Variants in CDIN1 observed in about 807,000 individuals in gnomAD.
The protein encoded by CDIN1 is CDAN1 interacting nuclease 1, also known as CDAN1-interacting nuclease 1.
In CDIN1, 33 loss-of-function variants were observed where a neutral mutation model predicts 45.3. The observed-to-expected ratio is 0.73, with a 90% confidence interval of 0.55 to 0.97. The LOEUF (loss-of-function observed/expected upper bound fraction) is 0.97. Ranked by LOEUF, CDIN1 falls within the 50% of genes least tolerant of loss-of-function variation. The pLI, the probability that CDIN1 is intolerant of heterozygous loss-of-function variation, is 0.00. For missense variants in CDIN1, 303 were observed against 339.4 expected (o/e 0.89, Z 0.84); for synonymous variants, 118 against 124.4 (o/e 0.95, Z 0.34).
Position 36,697,469 on chromosome 15 carries a change from A to G in CDIN1, c.544+79A>G, listed in dbSNP as rs894724954. 254 of 1,134,474 alleles carry G rather than the reference A, an allele frequency of 2.2e-4. 1 individual carries two copies. The highest frequency in any genetic ancestry group is 2.4e-4 in the Non-Finnish European group (191 of 784,002). 70.3% of individuals were successfully genotyped at this position (1,134,474 alleles called of 1,614,324 possible). A position where few individuals can be genotyped will look rare whatever the true frequency, so the allele number is the denominator to read the frequency against. On this transcript the variant is annotated intron_variant, in intron 8 of 10. Coordinates refer to ENST00000566621, the MANE Select transcript of CDIN1 (RefSeq NM_001321759.2). ...TATATATTTTAAAAATCTTCCACTAAAGGAAGAGTGAATGATGATTGATGC... is the reference window on the plus strand; with the variant it reads ...TATATATTTTAAAAATCTTCCACTAGAGGAAGAGTGAATGATGATTGATGC...
intron 10 of CDIN1, among the ~76,000 whole-genome samples, chr15:36,713,637 C>T (rs1247204655): frequency 6.6e-6 from 1 of 152,164 alleles, no homozygotes; most frequent in African/African-American, 2.4e-5. Context: ...ATGCAAAGCA[C>T]TTTCACAGTG....
chr15:36,673,316 A>G (rs2041520770), intron 5 of CDIN1, among the ~76,000 whole-genome samples: 2 of 152,104 alleles, frequency 1.3e-5, no homozygotes, highest in Non-Finnish European at 2.9e-5. Context: ...TCTGAGATTC[A>G]TCATGGAAAA....
At chr15:36,731,376 C>T (rs981929389) in intron 10 of CDIN1, among the ~76,000 whole-genome samples, 14 of 152,024 alleles carry the variant, frequency 9.2e-5, no homozygotes, top group African/African-American at 3.4e-4. Context: ...ATTTCATCTA[C>T]GATTACTTTA....
At chr15:36,680,563 T>C (rs2041815597) in intron 5 of CDIN1, among the ~76,000 whole-genome samples, 1 of 152,104 alleles carries the variant, frequency 6.6e-6, no homozygotes. Context: ...AGAAAGAACC[T>C]GTATTCAGAA....
intron 1 of CDIN1, among the ~76,000 whole-genome samples, chr15:36,612,840 A>G (rs771870111): frequency 1.3e-5 from 2 of 152,192 alleles, no homozygotes; most frequent in African/African-American, 2.4e-5. Context: ...AGGCATCATT[A>G]TTTTTAGTCT....
intron 10 of CDIN1, among the ~76,000 whole-genome samples, chr15:36,805,315 C>A (rs2055191132): frequency 6.6e-6 from 1 of 152,154 alleles, no homozygotes; most frequent in South Asian, 2.1e-4. Context: ...TCCTGAGGGT[C>A]TCCCAGCTGG....
At chr15:36,699,567 G>A (rs371657463) in intron 8 of CDIN1, among the ~76,000 whole-genome samples, 16 of 152,132 alleles carry the variant, frequency 1.1e-4, no homozygotes, top group South Asian at 4.2e-4. Flanking sequence ...GCATTCAAAA[G>A]ACAAATATTC....
At chr15:36,674,176 T>C (rs2081945875) in intron 5 of CDIN1, among the ~76,000 whole-genome samples, 1 of 152,170 alleles carries the variant, frequency 6.6e-6, no homozygotes, top group African/African-American at 2.4e-5. Flanking sequence ...AGTGTTATTA[T>C]TTACTGCAGT....
intron 10 of CDIN1, among the ~76,000 whole-genome samples, chr15:36,763,056 A>C (rs2053816554): frequency 6.6e-6 from 1 of 152,220 alleles, no homozygotes; most frequent in Non-Finnish European, 1.5e-5. Flanking sequence ...TAGATCCCTG[A>C]GGAATCACCA....
intron 1 of CDIN1, among the ~76,000 whole-genome samples, chr15:36,610,873 G>T (rs895057058): frequency 7.9e-5 from 12 of 152,102 alleles, no homozygotes; most frequent in African/African-American, 1.9e-4. Context: ...AAGTTCAAGG[G>T]GTCCAGTGGG....
intron 5 of CDIN1, among the ~76,000 whole-genome samples, chr15:36,679,622 T>C (rs2041781176): frequency 6.6e-6 from 1 of 152,238 alleles, no homozygotes; most frequent in African/African-American, 2.4e-5. Context: ...GACATATTTT[T>C]CTTCTTTTGA....
intron 10 of CDIN1, among the ~76,000 whole-genome samples, chr15:36,747,420 C>A (rs1351296942): frequency 6.6e-6 from 1 of 152,110 alleles, no homozygotes; most frequent in Non-Finnish European, 1.5e-5. Flanking sequence ...TATAAGTGAA[C>A]TTTTCTCAAA....
intron 10 of CDIN1, among the ~76,000 whole-genome samples, chr15:36,765,071 T>TTC (rs1555405924): frequency 1.3e-5 from 2 of 150,532 alleles, no homozygotes; most frequent in East Asian, 3.9e-4. Flanking sequence ...CTTTTTTTTT[T>TTC]TTTAGATGGA....
chr15:36,639,832 A>G (rs2040036771), intron 1 of CDIN1, among the ~76,000 whole-genome samples: 1 of 152,084 alleles, frequency 6.6e-6, no homozygotes, highest in South Asian at 2.1e-4. Flanking sequence ...TATATATTTG[A>G]CCTATAGTTA....
intron 1 of CDIN1, among the ~76,000 whole-genome samples, chr15:36,598,228 A>G (rs1391794195): frequency 1.3e-5 from 2 of 151,848 alleles, no homozygotes; most frequent in African/African-American, 4.8e-5. Flanking sequence ...CTGTACTCAA[A>G]CCATCCACCC....
intron 1 of CDIN1, among the ~76,000 whole-genome samples, chr15:36,614,769 CAAAAACA>C: frequency 6.6e-6 from 1 of 151,998 alleles, no homozygotes; most frequent in African/African-American, 2.4e-5. Context: ...CAAACAACAA[CAAAAACA>C]AAAAATGTGC....
chr15:36,622,408 G>C (rs2039239445), intron 1 of CDIN1, among the ~76,000 whole-genome samples: 1 of 152,162 alleles, frequency 6.6e-6, no homozygotes, highest in South Asian at 2.1e-4. Flanking sequence ...GGAGTAGAGA[G>C]AGGCAGTGTT....
At chr15:36,770,455 T>A (rs2054045855) in intron 10 of CDIN1, among the ~76,000 whole-genome samples, 1 of 151,862 alleles carries the variant, frequency 6.6e-6, no homozygotes. Context: ...ATTATTATTA[T>A]TATTATTATT....
intron 3 of CDIN1, among the ~76,000 whole-genome samples, chr15:36,649,872 A>G (rs1318990648): frequency 6.6e-6 from 1 of 152,220 alleles, no homozygotes; most frequent in Non-Finnish European, 1.5e-5. Context: ...CAAAAAGGAC[A>G]GTGGAAGGCA....
Sources: allele counts gnomAD v4.1 joint callset (sites outside exome capture counted in the v4.1 genomes callset), GRCh38; gene constraint gnomAD v4.1.1; transcripts MANE v1.5; gene names NCBI Gene and HGNC (gene_info 2026-07-23, HGNC 2026-07-21).